Variants in GGA2 observed in about 807,000 individuals in gnomAD.
GGA2 encodes golgi associated, gamma adaptin ear containing, ARF binding protein 2.
In GGA2, 48 loss-of-function variants were observed where a neutral mutation model predicts 79.5. The ratio of observed to expected loss-of-function variants is 0.60; its 90% CI spans 0.48 to 0.77. The LOEUF (loss-of-function observed/expected upper bound fraction) is 0.77. GGA2 is among the 30% of genes least tolerant of loss of function. The pLI is 0.00. For synonymous variants in GGA2, 317 were observed against 302.0 expected (o/e 1.05, Z -0.51); for missense variants, 770 against 774.0 (o/e 0.99, Z 0.06).
At chr16:23,506,241 A>C (rs1255626444) in intron 1 of GGA2, among the ~76,000 whole-genome samples, 1 of 151,976 alleles carries the variant, frequency 6.6e-6, no homozygotes, top group Non-Finnish European at 1.5e-5. Flanking sequence ...AACTACACCC[A>C]TGTCTTGGCC....
chr16:23,510,789 C>T (rs1244876687), upstream of GGA2, among the ~76,000 whole-genome samples: 1 of 152,258 alleles, frequency 6.6e-6, no homozygotes, highest in Non-Finnish European at 1.5e-5. Context: ...TCACTGCAGC[C>T]TCCACCTCCT....
intron 13 of GGA2, among the ~76,000 whole-genome samples, chr16:23,476,223 C>T (rs1365646584): frequency 6.6e-6 from 1 of 152,252 alleles, no homozygotes; most frequent in Admixed American, 6.5e-5. Flanking sequence ...ACCCACCCTG[C>T]CCGAGTGGCT....
At chr16:23,515,384 G>A (rs1373602901), upstream of GGA2, among the ~76,000 whole-genome samples, 33 of 151,478 alleles carry the variant, frequency 2.2e-4, 1 homozygote, top group Admixed American at 2.2e-3. Context: ...ATTATATGAG[G>A]TCAGGAGTTC....
chr16:23,487,138 T>C (rs1048030809), intron 6 of GGA2, among the ~76,000 whole-genome samples: 3 of 152,080 alleles, frequency 2.0e-5, no homozygotes, highest in Admixed American at 2.0e-4. Context: ...CGTGCCACCA[T>C]GCCCAGCTAA....
At chr16:23,474,757 C>T (rs1964555528) in intron 14 of GGA2, 147 bp downstream of exon 14, 1 of 654,928 alleles carries the variant, frequency 1.5e-6, no homozygotes, top group South Asian at 1.8e-5. Context: ...TGGCCACAAC[C>T]TCTTACTTTC....
intron 9 of GGA2, among the ~76,000 whole-genome samples, chr16:23,481,246 G>A (rs1474659625): frequency 6.6e-6 from 1 of 152,182 alleles, no homozygotes; most frequent in Non-Finnish European, 1.5e-5. Flanking sequence ...CGTGGCAGGT[G>A]CCTGTAATCC....
chr16:23,501,153 C>T, intron 1 of GGA2: 1 of 434,176 alleles, frequency 2.3e-6, no homozygotes, highest in Non-Finnish European at 4.6e-6. Flanking sequence ...TGATCCCAAA[C>T]ACAACTGTAC....
chr16:23,484,266 G>A (rs1348877124), intron 8 of GGA2, among the ~76,000 whole-genome samples: 1 of 151,096 alleles, frequency 6.6e-6, no homozygotes, highest in Admixed American at 6.6e-5. Context: ...AAAAAATACA[G>A]AATTAGCCAG....
chr16:23,513,829 A>G (rs1597000585), upstream of GGA2, among the ~76,000 whole-genome samples: 1 of 150,712 alleles, frequency 6.6e-6, no homozygotes, highest in Non-Finnish European at 1.5e-5. Flanking sequence ...AAAAGAAAAG[A>G]AAAAAAAAGC....
At chr16:23,495,900 C>T (rs991678581) in intron 1 of GGA2, 122 bp from the exon 2 acceptor site, 5 of 587,056 alleles carry the variant, frequency 8.5e-6, no homozygotes, top group Middle Eastern at 2.6e-4. Flanking sequence ...AGTGGGCAGA[C>T]AGCTGGAAGG....
chr16:23,486,298 G>C, intron 7 of GGA2, 146 bp from the exon 8 acceptor site: 1 of 703,288 alleles, frequency 1.4e-6, no homozygotes, highest in South Asian at 1.8e-5. Context: ...CACACAGTGG[G>C]TGAAAAAATA....
Position 23,479,658 on chromosome 16 carries a change from A to G in GGA2, c.1129+107T>C, listed in dbSNP as rs1454730049. 3.1e-6 allele frequency: 4 copies of G among 1,296,722 alleles called. No homozygotes were observed. The African/African-American group carries it at 6.0e-5, about 19-fold the overall frequency. The allele number at this position is 1,296,722 out of a possible 1,614,324, so 80.3% of individuals were successfully genotyped here. A position where few individuals can be genotyped will look rare whatever the true frequency, so the allele number is the denominator to read the frequency against. ...AACCAGCTCACTCTTCCTATTCACA[A>G]CCATCTCGACTCCCTCAGCAGCAGG... is the stretch of plus-strand genomic sequence containing the variant. On this transcript the variant is annotated intron_variant, in intron 11 of 16. Coordinates refer to ENST00000309859, the MANE Select transcript of GGA2 (RefSeq NM_015044.4).
At chr16:23,518,868 C>CA (rs1384515764) in intron 2 of GGA2, among the ~76,000 whole-genome samples, 1 of 152,160 alleles carries the variant, frequency 6.6e-6, no homozygotes, top group East Asian at 1.9e-4. Context: ...TACAAAAAGA[C>CA]AGACTTCCTG....
intron 13 of GGA2, among the ~76,000 whole-genome samples, chr16:23,476,018 T>C (rs534103041): frequency 6.6e-6 from 1 of 152,308 alleles, no homozygotes; most frequent in Non-Finnish European, 1.5e-5. Flanking sequence ...ATGAAGGTTG[T>C]TCATGTTGTA....
At chr16:23,489,441 A>G (rs1596987099) in intron 5 of GGA2, among the ~76,000 whole-genome samples, 1 of 152,024 alleles carries the variant, frequency 6.6e-6, no homozygotes, top group Admixed American at 6.6e-5. Context: ...GGGTCTCGCT[A>G]TGTTGCCCAG....
chr16:23,476,481 T>C (rs1267347055), intron 13 of GGA2, among the ~76,000 whole-genome samples: 1 of 152,124 alleles, frequency 6.6e-6, no homozygotes, highest in African/African-American at 2.4e-5. Flanking sequence ...CCCAAGCACC[T>C]CCAAACCAGA....
chr16:23,514,595 C>T (rs942796440), upstream of GGA2, among the ~76,000 whole-genome samples: 1 of 151,962 alleles, frequency 6.6e-6, no homozygotes, highest in Non-Finnish European at 1.5e-5. Flanking sequence ...GGATAACAGG[C>T]ACACACACCA....
At chr16:23,488,269 G>C (rs1964739980) in intron 6 of GGA2, among the ~76,000 whole-genome samples, 1 of 152,046 alleles carries the variant, frequency 6.6e-6, no homozygotes. Flanking sequence ...GCACAAAAGG[G>C]AGAGGGCACA....
intron 13 of GGA2, among the ~76,000 whole-genome samples, chr16:23,475,715 C>G (rs1037947659): frequency 1.3e-5 from 2 of 150,756 alleles, no homozygotes; most frequent in Non-Finnish European, 3.0e-5. Flanking sequence ...ACCAGCCCGG[C>G]CGACATGGTG....
Sources: gnomAD v4.1 joint callset for allele counts (sites outside exome capture counted in the v4.1 genomes callset) on GRCh38, gnomAD v4.1.1 for gene constraint, MANE v1.5 for transcripts, NCBI Gene and HGNC (gene_info 2026-07-23, HGNC 2026-07-21) for gene names.